Variants in DOCK5 observed in about 807,000 individuals in gnomAD.
The protein encoded by DOCK5 is dedicator of cytokinesis protein 5.
DOCK5 carries 142 observed loss-of-function variants against 251.8 expected under a neutral mutation model. The ratio of observed to expected loss-of-function variants is 0.56; its 90% confidence interval spans 0.49 to 0.65. The LOEUF is 0.65. Ranked by LOEUF, DOCK5 falls within the 30% of genes least tolerant of loss-of-function variation. DOCK5 has a pLI of 0.00. For synonymous variants in DOCK5, 842 were observed against 835.5 expected, an observed-to-expected ratio of 1.01 and a Z score of -0.13; for missense variants, 2,111 against 2,312.3, an observed-to-expected ratio of 0.91 and a Z score of 1.79.
intron 12 of DOCK5, 25 bp downstream of exon 12, chr8:25,308,950 A>G: frequency 6.5e-7 from 1 of 1,528,484 alleles, no homozygotes. Context: ...CAGAGCTGGG[A>G]GGGACTCTGC....
At chr8:25,259,541 A>G (rs1250771414) in intron 2 of DOCK5, among the ~76,000 whole-genome samples, 1 of 152,176 alleles carries the variant, frequency 6.6e-6, no homozygotes, top group East Asian at 1.9e-4. Context: ...CTGCAGGCTC[A>G]ACTTCCTGAG....
intron 47 of DOCK5, among the ~76,000 whole-genome samples, chr8:25,402,986 C>G (rs1483457246): frequency 6.6e-6 from 1 of 152,164 alleles, no homozygotes; most frequent in Non-Finnish European, 1.5e-5. Context: ...TTGTCTTTTG[C>G]ACACACATTC....
intron 5 of DOCK5, among the ~76,000 whole-genome samples, chr8:25,288,111 C>T (rs1804388597): frequency 6.6e-6 from 1 of 152,112 alleles, no homozygotes; most frequent in Admixed American, 6.6e-5. Flanking sequence ...GTCTCGAACT[C>T]CTGACCTCAG....
rs1805279455 is a variant in DOCK5, at chr8:25,317,319, T to C, written c.1443+188T>C. The C allele has an allele frequency of 1.1e-5, 7 of 637,124 alleles. No homozygotes were observed. The Admixed American group carries it at 2.2e-4, about 20-fold the overall frequency. The allele number at this position is 637,124 out of a possible 1,614,324, so 39.5% of individuals were successfully genotyped here. A position where few individuals can be genotyped will look rare whatever the true frequency, so the allele number is the denominator to read the frequency against. On this transcript the variant is annotated intron_variant, in intron 14 of 51. Transcript: ENST00000276440. Reference sequence around the variant, plus strand: ...TTCACTAAGGAAGCTATCTAGACTCTTCTAGACTCTTATTTTTATATTTCT... The same window carrying C: ...TTCACTAAGGAAGCTATCTAGACTCCTCTAGACTCTTATTTTTATATTTCT...
intron 1 of DOCK5, among the ~76,000 whole-genome samples, chr8:25,222,788 G>A (rs908315913): frequency 2.0e-5 from 3 of 152,158 alleles, no homozygotes; most frequent in African/African-American, 7.2e-5. Flanking sequence ...AGAGGCTGTC[G>A]GTCCTCAGCA....
intron 2 of DOCK5, among the ~76,000 whole-genome samples, chr8:25,249,573 G>C (rs1034459499): frequency 6.6e-6 from 1 of 152,120 alleles, no homozygotes; most frequent in African/African-American, 2.4e-5. Context: ...GTGACTGGCT[G>C]CCTTCATTTG....
intron 48 of DOCK5, among the ~76,000 whole-genome samples, 191 bp from the exon 49 acceptor site, chr8:25,407,789 CAGA>C (rs1801547976): frequency 6.7e-6 from 1 of 149,472 alleles, no homozygotes; most frequent in Admixed American, 6.7e-5. Context: ...CCCAGCCACT[CAGA>C]AGTCAAGGTT....
chr8:25,391,838 A>G (rs745595162), intron 42 of DOCK5, 58 bp from the exon 43 acceptor site: 8 of 1,522,592 alleles, frequency 5.3e-6, no homozygotes, highest in African/African-American at 1.4e-5. Flanking sequence ...GTTGAAGTCA[A>G]GTCAAGCAGT....
At chr8:25,242,003 G>C (rs949979654) in intron 1 of DOCK5, among the ~76,000 whole-genome samples, 3 of 152,100 alleles carry the variant, frequency 2.0e-5, no homozygotes, top group East Asian at 1.9e-4. Context: ...GGGCCTTTTG[G>C]GGGGTGGGGG....
At chr8:25,347,551 A>G (rs1376319674) in intron 26 of DOCK5, among the ~76,000 whole-genome samples, 3 of 152,220 alleles carry the variant, frequency 2.0e-5, no homozygotes, top group African/African-American at 7.2e-5. Context: ...ACTTTTTTAA[A>G]AGTAACTCTT....
chr8:25,293,075 A>G (rs1804535748), intron 6 of DOCK5, among the ~76,000 whole-genome samples: 1 of 152,210 alleles, frequency 6.6e-6, no homozygotes, highest in African/African-American at 2.4e-5. Flanking sequence ...ATTCAGTCCT[A>G]TATCCAAATT....
intron 8 of DOCK5, 191 bp downstream of exon 8, chr8:25,299,292 AGTTT>A: frequency 1.1e-5 from 6 of 567,578 alleles, no homozygotes; most frequent in Non-Finnish European, 1.8e-5. Flanking sequence ...CAATGAGGCC[AGTTT>A]GTATACTCTC....
intron 31 of DOCK5, 148 bp downstream of exon 31, chr8:25,367,118 C>T (rs1456979850): frequency 8.8e-6 from 6 of 681,630 alleles, no homozygotes; most frequent in Admixed American, 7.2e-5. Flanking sequence ...CTTAATAGGC[C>T]TCACATTCAC....
chr8:25,345,250 G>C (rs904548700), intron 25 of DOCK5, among the ~76,000 whole-genome samples: 19 of 142,260 alleles, frequency 1.3e-4, no homozygotes, highest in Non-Finnish European at 2.7e-4. Flanking sequence ...CTGTGAGAAG[G>C]GTCATTTTTT....
chr8:25,212,445 C>T (rs1438328042), intron 1 of DOCK5, among the ~76,000 whole-genome samples: 1 of 70,504 alleles, frequency 1.4e-5, no homozygotes, highest in Admixed American at 1.6e-4. Context: ...CTAAGGGCCA[C>T]GGGCAAGTTT....
At chr8:25,314,584 C>T (rs1805187024) in intron 13 of DOCK5, among the ~76,000 whole-genome samples, 1 of 137,622 alleles carries the variant, frequency 7.3e-6, no homozygotes, top group African/African-American at 2.7e-5. Flanking sequence ...ATCTATCATC[C>T]ATCCACCCAC....
intron 36 of DOCK5, among the ~76,000 whole-genome samples, chr8:25,374,168 G>T (rs1031472689): frequency 1.3e-5 from 2 of 152,148 alleles, no homozygotes; most frequent in Non-Finnish European, 2.9e-5. Flanking sequence ...GGTGCACAGT[G>T]TATTGAAGAA....
rs1157677401 is a variant in DOCK5, at chr8:25,414,242, G to C, written c.*2944G>C. 1.3e-5 allele frequency: 2 copies of C among 152,124 alleles called. No individual in the cohort carries two copies. The highest frequency in any genetic ancestry group is 6.5e-5 in the Admixed American group (1 of 15,268). 9.4% of individuals were successfully genotyped at this position (152,124 alleles called of 1,614,324 possible). A position where few individuals can be genotyped will look rare whatever the true frequency, so the allele number is the denominator to read the frequency against. On this transcript the variant is annotated 3_prime_UTR_variant, in exon 52 of 52. Transcript: ENST00000276440. ...CATGGTACTAGCCCCTTGGGATGTA[G>C]TGGTTGAGTGTGTTCAATGGAAACA...
At chr8:25,387,880 G>C (rs1801191639) in intron 40 of DOCK5, among the ~76,000 whole-genome samples, 1 of 152,056 alleles carries the variant, frequency 6.6e-6, no homozygotes, top group East Asian at 1.9e-4. Flanking sequence ...AATTCTTCCT[G>C]ACCTGCTTCT....
Sources: gnomAD v4.1 joint callset for allele counts (sites outside exome capture counted in the v4.1 genomes callset) on GRCh38, gnomAD v4.1.1 for gene constraint, MANE v1.5 for transcripts, NCBI Gene and HGNC (gene_info 2026-07-23, HGNC 2026-07-21) for gene names.